FILIP1L: variants seen among roughly 807,000 people sequenced by gnomAD.
FILIP1L encodes filamin A-interacting protein 1-like.
FILIP1L carries 55 observed loss-of-function variants against 96.6 expected under a neutral mutation model. That is an observed-to-expected ratio of 0.57 (90% confidence interval 0.46 to 0.71). The LOEUF is 0.71. Among genes scored for constraint, FILIP1L ranks in the 30% least tolerant of loss-of-function variants. The pLI is 0.00. For synonymous variants in FILIP1L, 467 were observed against 473.9 expected, an observed-to-expected ratio of 0.99 and a Z score of 0.19; for missense variants, 1,304 against 1,321.2, an observed-to-expected ratio of 0.99 and a Z score of 0.20.
chr3:99,973,529 A>G (rs535836478), intron 1 of FILIP1L, among the ~76,000 whole-genome samples: 6 of 152,292 alleles, frequency 3.9e-5, no homozygotes, highest in African/African-American at 1.4e-4. Flanking sequence ...CTTTATTGCC[A>G]GGTTTTATTG....
At chr3:99,860,098 T>G (rs764579035) in intron 4 of FILIP1L, among the ~76,000 whole-genome samples, 1 of 152,206 alleles carries the variant, frequency 6.6e-6, no homozygotes, top group Non-Finnish European at 1.5e-5. Context: ...TTACTGAAGA[T>G]CCTGTCATCA....
intron 1 of FILIP1L, among the ~76,000 whole-genome samples, chr3:99,991,159 C>T (rs1225600458): frequency 6.6e-6 from 1 of 152,118 alleles, no homozygotes. Context: ...CATTCTCATT[C>T]GATTTGCAGT....
chr3:100,059,112 T>A (rs2065515803), intron 1 of FILIP1L, among the ~76,000 whole-genome samples: 1 of 152,236 alleles, frequency 6.6e-6, no homozygotes, highest in Non-Finnish European at 1.5e-5. Context: ...AGTTTCATGG[T>A]TTTCCTTAAA....
chr3:100,013,217 T>G lies in FILIP1L; in HGVS notation c.-10-82187A>C, dbSNP rs140781276. ...AGCCCATTTCAAGGCCAGTGAGGTG[T>G]TGTTGTTGTTGTTGTTGTTGTTGTT... On this transcript the variant is annotated intron_variant, in intron 1 of 5. Transcript: ENST00000477258. Among the ~76,000 whole-genome samples the G allele has an allele frequency of 2.7e-3, 320 of 118,586 alleles. 1 individual carries two copies. Among genetic ancestry groups the G allele is most frequent in the African/African-American group, 9.5e-3 (270 of 28,280 alleles). 77.8% of individuals were successfully genotyped at this position (118,586 alleles called of 152,430 possible). A position where few individuals can be genotyped will look rare whatever the true frequency, so the allele number is the denominator to read the frequency against.
chr3:99,866,114 T>G (rs1944501324), intron 4 of FILIP1L, among the ~76,000 whole-genome samples: 1 of 152,140 alleles, frequency 6.6e-6, no homozygotes, highest in South Asian at 2.1e-4. Context: ...GTAGAAAGCA[T>G]GTATCCTTTT....
intron 1 of FILIP1L, among the ~76,000 whole-genome samples, chr3:100,074,434 A>G (rs2065813910): frequency 6.6e-6 from 1 of 152,066 alleles, no homozygotes; most frequent in South Asian, 2.1e-4. Context: ...TTTCTACTCT[A>G]AAATGTAACT....
intron 2 of FILIP1L, among the ~76,000 whole-genome samples, chr3:99,930,264 T>A (rs1707435499): frequency 6.6e-6 from 1 of 152,354 alleles, no homozygotes; most frequent in African/African-American, 2.4e-5. Context: ...AGGACTACTT[T>A]TTTTATTATG....
chr3:100,032,081 A>G (rs899974572), intron 1 of FILIP1L, among the ~76,000 whole-genome samples: 1 of 152,230 alleles, frequency 6.6e-6, no homozygotes, highest in Non-Finnish European at 1.5e-5. Context: ...GATCTAGCCC[A>G]TTAGCCATAG....
chr3:100,109,429 A>ATAAAGCAG (rs1414232838), intron 1 of FILIP1L, among the ~76,000 whole-genome samples: 8 of 152,332 alleles, frequency 5.3e-5, no homozygotes, highest in African/African-American at 1.9e-4. Context: ...TAGTCAAGAC[A>ATAAAGCAG]TAAAGCAGTT....
intron 1 of FILIP1L, among the ~76,000 whole-genome samples, chr3:100,050,869 A>C (rs1373816588): frequency 6.6e-6 from 1 of 152,128 alleles, no homozygotes; most frequent in African/African-American, 2.4e-5. Flanking sequence ...TAACTTTGGA[A>C]GATAACTCTG....
intron 1 of FILIP1L, among the ~76,000 whole-genome samples, chr3:99,991,686 T>G (rs879671530): frequency 2.0e-5 from 3 of 152,006 alleles, no homozygotes; most frequent in Non-Finnish European, 4.4e-5. Context: ...CTCCCACTTA[T>G]AGGTGAGAAC....
intron 1 of FILIP1L, among the ~76,000 whole-genome samples, chr3:100,070,985 T>C (rs1002780367): frequency 3.3e-5 from 5 of 152,082 alleles, no homozygotes; most frequent in Non-Finnish European, 5.9e-5. Context: ...TGTAATGCCC[T>C]TTTTTTGTTT....
Position 100,036,170 on chromosome 3 carries a change from A to G in FILIP1L, c.-11+77883T>C, listed in dbSNP as rs572332196. ...TCTTCTAAGGCATGAAAAATTTCCTAGCTCTGTCAACTAAAAAGGTCTAGA... is the reference window on the plus strand; with the variant it reads ...TCTTCTAAGGCATGAAAAATTTCCTGGCTCTGTCAACTAAAAAGGTCTAGA... On this transcript the variant is annotated intron_variant, in intron 1 of 5. Coordinates refer to ENST00000477258, the MANE Select transcript of FILIP1L (RefSeq NM_001387850.1). Among the ~76,000 whole-genome samples the G allele has an allele frequency of 3.2e-3, 490 of 152,304 alleles. 1 individual carries two copies. The highest frequency in any genetic ancestry group is 5.3e-3 in the Non-Finnish European group (360 of 68,026).
Position 99,930,818 on chromosome 3 carries a change from G to C in FILIP1L, c.203C>G (p.Ser68Ter), listed in dbSNP as rs749389913. The stretch of plus-strand genomic sequence containing the variant: ...GAGGAGAAATAACAGGTCATCTCTT[G>C]AGAGGTCTTCTGCTTGGTGGCCATT... ...SGNGHQAEDL[S>*]RDDLLFLLSI... The change falls in exon 2 of 6, where the codon TCA (serine) becomes TGA (stop). Residue 68 changes from serine (S) to a stop codon, truncating the protein, a stop_gained. Coordinates refer to ENST00000477258, the MANE Select transcript of FILIP1L (RefSeq NM_001387850.1). LOFTEE classifies it high-confidence loss of function. The C allele has an allele frequency of 6.2e-7, 1 of 1,612,560 alleles. No homozygotes were observed. The highest frequency in any genetic ancestry group is 8.5e-7 in the Non-Finnish European group (1 of 1,179,656).
intron 4 of FILIP1L, among the ~76,000 whole-genome samples, chr3:99,863,991 A>G (rs1944386085): frequency 6.6e-6 from 1 of 152,262 alleles, no homozygotes; most frequent in Admixed American, 6.5e-5. Context: ...GGGAATAAAA[A>G]TAAACATGGT....
In FILIP1L at chr3:99,987,154, C is replaced by A. The variant is rs147088343; in HGVS notation, c.-10-56124G>T. ...CTGAGGCAGGAGGATCACTTAAGCC[C>A]AGGAGGTTGAGGCTTCAGTGAGCCA... On this transcript the variant is annotated intron_variant, in intron 1 of 5. Transcript: ENST00000477258. 2.5e-3 allele frequency among the ~76,000 whole-genome samples: 386 copies of A among 151,652 alleles called. 2 individuals carry two copies. Among genetic ancestry groups the A allele is most frequent in the African/African-American group, 8.9e-3 (366 of 41,324 alleles).
chr3:99,989,819 T>A (rs552381229), intron 1 of FILIP1L, among the ~76,000 whole-genome samples: 1 of 152,164 alleles, frequency 6.6e-6, no homozygotes, highest in Admixed American at 6.5e-5. Flanking sequence ...TGGAAATAAA[T>A]TTTTACTTAC....
intron 2 of FILIP1L, among the ~76,000 whole-genome samples, chr3:99,930,309 A>G (rs1452942760): frequency 6.6e-6 from 1 of 152,214 alleles, no homozygotes; most frequent in African/African-American, 2.4e-5. Flanking sequence ...CCATCAATGT[A>G]CTAGCATTTG....
At chr3:99,990,678 G>A (rs939927206) in intron 1 of FILIP1L, among the ~76,000 whole-genome samples, 3 of 151,550 alleles carry the variant, frequency 2.0e-5, no homozygotes, top group Non-Finnish European at 4.4e-5. Flanking sequence ...AAAGCCTCCT[G>A]GTATAATTCT....
Sources: gnomAD v4.1 joint callset for allele counts (sites outside exome capture counted in the v4.1 genomes callset) on GRCh38, gnomAD v4.1.1 for gene constraint, MANE v1.5 for transcripts, NCBI Gene and HGNC (gene_info 2026-07-23, HGNC 2026-07-21) for gene names.